The following CEP63 variants were observed in gnomAD, a reference collection of about 807,000 sequenced individuals.
CEP63 encodes centrosomal protein 63, also known as centrosomal protein of 63 kDa.
In CEP63, 84 loss-of-function variants were observed where a neutral mutation model predicts 89.1. The observed-to-expected ratio is 0.94, with a 90% CI of 0.79 to 1.13. The LOEUF (loss-of-function observed/expected upper bound fraction) is 1.13, where lower values mean the gene tolerates loss of function less well. CEP63 is among the 50% of genes most tolerant of loss of function. The probability of loss-of-function intolerance (pLI) is 0.00; values close to 1 mark genes in which losing one functional copy is unlikely to be tolerated. For missense variants in CEP63, 838 were observed against 813.3 expected (o/e 1.03, Z -0.37); for synonymous variants, 267 against 272.5 (o/e 0.98, Z 0.20).
Position 134,564,212 on chromosome 3 carries a change from C to T in CEP63, c.*2677C>T. On this transcript the variant is annotated 3_prime_UTR_variant, in exon 15 of 15. Coordinates refer to ENST00000675561, the MANE Select transcript of CEP63 (RefSeq NM_001353108.3). ...TCCTCATCACCCAGCACAAGCCCAACACTTAGGAGAGGCTCAGCTAGTTTG... is the reference window on the plus strand; with the variant it reads ...TCCTCATCACCCAGCACAAGCCCAATACTTAGGAGAGGCTCAGCTAGTTTG... The T allele has an allele frequency of 1.0e-6, 1 of 981,816 alleles. No homozygotes were observed. The highest frequency in any genetic ancestry group is 1.2e-6 in the Non-Finnish European group (1 of 826,676). The allele number at this position is 981,816 out of a possible 1,614,324, so 60.8% of individuals were successfully genotyped here. A position where few individuals can be genotyped will look rare whatever the true frequency, so the allele number is the denominator to read the frequency against.
the CEP63 span, among the ~76,000 whole-genome samples, chr3:134,638,317 T>C: frequency 6.6e-6 from 1 of 152,202 alleles, no homozygotes; most frequent in African/African-American, 2.4e-5. Flanking sequence ...AAAATATTAG[T>C]GTGGCCAATC....
intron 3 of CEP63, among the ~76,000 whole-genome samples, chr3:134,512,576 T>C (rs1055142786): frequency 6.6e-6 from 1 of 152,194 alleles, no homozygotes; most frequent in Non-Finnish European, 1.5e-5. Flanking sequence ...AATAGTAATC[T>C]TCCCCACCCC....
chr3:134,748,466 C>T, the CEP63 span, among the ~76,000 whole-genome samples: 1 of 151,516 alleles, frequency 6.6e-6, no homozygotes, highest in Non-Finnish European at 1.5e-5. Flanking sequence ...AGTAGTAGAA[C>T]TAGAATTCAA....
chr3:134,499,820 C>CGT, intron 2 of CEP63, among the ~76,000 whole-genome samples: 1 of 99,126 alleles, frequency 1.0e-5, no homozygotes, highest in East Asian at 3.4e-4. Context: ...CCATCTTCAT[C>CGT]TTTTTTTTTT....
chr3:134,733,777 G>A, the CEP63 span, among the ~76,000 whole-genome samples: 1 of 150,660 alleles, frequency 6.6e-6, no homozygotes, highest in Non-Finnish European at 1.5e-5. Context: ...GCCTTGCCAA[G>A]ACCTTGATCT....
chr3:134,593,746 A>G, the CEP63 span, among the ~76,000 whole-genome samples: 1 of 152,230 alleles, frequency 6.6e-6, no homozygotes, highest in Non-Finnish European at 1.5e-5. Flanking sequence ...ATCTTTCCAG[A>G]GGAAGCCCAT....
chr3:134,606,485 TG>T, the CEP63 span, among the ~76,000 whole-genome samples: 1 of 152,152 alleles, frequency 6.6e-6, no homozygotes, highest in Non-Finnish European at 1.5e-5. Flanking sequence ...AATGTCCCCG[TG>T]GCAAAGCAGC....
intron 2 of CEP63, among the ~76,000 whole-genome samples, chr3:134,498,157 A>G (rs1940776565): frequency 1.3e-5 from 2 of 152,106 alleles, no homozygotes; most frequent in African/African-American, 2.4e-5. Flanking sequence ...ATAGATTTGG[A>G]TATAATCATT....
At chr3:134,487,842 A>G (rs188104681) in intron 1 of CEP63, among the ~76,000 whole-genome samples, 1 of 152,346 alleles carries the variant, frequency 6.6e-6, no homozygotes, top group African/African-American at 2.4e-5. Context: ...TCCCACAGGG[A>G]TCTGCCTATT....
the CEP63 span, among the ~76,000 whole-genome samples, chr3:134,633,109 A>G: frequency 1.3e-5 from 2 of 152,180 alleles, no homozygotes; most frequent in African/African-American, 4.8e-5. Context: ...GTTAAATTAA[A>G]CTTGTAGTTT....
At chr3:134,739,703 G>GT in the CEP63 span, among the ~76,000 whole-genome samples, 2,093 of 143,654 alleles carry the variant, frequency 0.015, 16 homozygotes, top group Middle Eastern at 0.022. Context: ...ATCAATGCTT[G>GT]TTTTTTTTTT....
chr3:134,756,823 G>C, the CEP63 span, among the ~76,000 whole-genome samples: 20 of 152,206 alleles, frequency 1.3e-4, no homozygotes, highest in Non-Finnish European at 2.8e-4. Context: ...GGAGACTCCA[G>C]GGATGGGGGC....
chr3:134,686,497 C>G, the CEP63 span, among the ~76,000 whole-genome samples: 1 of 152,300 alleles, frequency 6.6e-6, no homozygotes, highest in East Asian at 1.9e-4. Flanking sequence ...TAGCCAGGAT[C>G]CCACAGTCAG....
At chr3:134,580,136 A>G (rs534952786) in intron 10 of CEP63, among the ~76,000 whole-genome samples, 2 of 151,192 alleles carry the variant, frequency 1.3e-5, no homozygotes, top group Non-Finnish European at 2.9e-5. Context: ...CAGAGGTTGC[A>G]GTGAGCTGAG....
chr3:134,750,757 G>T, the CEP63 span, among the ~76,000 whole-genome samples: 1 of 152,196 alleles, frequency 6.6e-6, no homozygotes, highest in African/African-American at 2.4e-5. Context: ...GCCTAGAAGT[G>T]CTGGGCATTT....
At chr3:134,757,135 T>C in the CEP63 span, among the ~76,000 whole-genome samples, 1 of 152,198 alleles carries the variant, frequency 6.6e-6, no homozygotes, top group Non-Finnish European at 1.5e-5. Context: ...AAGGACCAGC[T>C]GCTTACCCAC....
the CEP63 span, among the ~76,000 whole-genome samples, chr3:134,653,986 C>A: frequency 6.6e-6 from 1 of 152,182 alleles, no homozygotes; most frequent in African/African-American, 2.4e-5. Flanking sequence ...GCTGACAAAC[C>A]AGGGGCTTTC....
Position 134,518,240 on chromosome 3 carries a change from C to A in CEP63, c.222+10954C>A, listed in dbSNP as rs1363438627. 3.3e-5 allele frequency among the ~76,000 whole-genome samples: 5 copies of A among 152,124 alleles called. No homozygotes were observed. In the East Asian group the frequency reaches 9.6e-4, roughly 29 times the overall value. On this transcript the variant is annotated intron_variant, in intron 3 of 14. Transcript: ENST00000675561. ...AACAAGTAGCTCTCAATTAATACAA[C>A]AAGCAGAGAAAACCTCAGTTCAGGT...
Position 134,587,222 on chromosome 3 carries a change from GT to G in CEP63, c.1207-229del, listed in dbSNP as rs56226402. 2.6e-5 allele frequency among the ~76,000 whole-genome samples: 4 copies of G among 151,864 alleles called. No homozygotes were observed. In the South Asian group the frequency reaches 8.3e-4, roughly 32 times the overall value. On this transcript the variant is annotated intron_variant, in intron 10 of 10. Coordinates refer to the CEP63 transcript ENST00000683931. ...ACTCGTCAAAGTCATTCTCTGTCCA[GT>G]TTTTTTCCGTTGCTGGCGAGGAGCT...
Sources: gnomAD v4.1 joint callset for allele counts (sites outside exome capture counted in the v4.1 genomes callset) on GRCh38, gnomAD v4.1.1 for gene constraint, MANE v1.5 for transcripts, NCBI Gene and HGNC (gene_info 2026-07-23, HGNC 2026-07-21) for gene names.